GPM6B: variants seen among roughly 807,000 people sequenced by gnomAD.
The protein encoded by GPM6B is neuronal membrane glycoprotein M6-b.
GPM6B carries 4 observed loss-of-function variants against 27.2 expected under a neutral mutation model. That is an observed-to-expected ratio of 0.15 (90% CI 0.07 to 0.34). GPM6B has a LOEUF of 0.34. Ranked by LOEUF, GPM6B falls within the 10% of genes least tolerant of loss-of-function variation. The pLI, the probability that GPM6B is intolerant of heterozygous loss-of-function variation, is 1.00. For missense variants in GPM6B, 183 were observed against 261.9 expected, an observed-to-expected ratio of 0.70 and a Z score of 2.08; for synonymous variants, 124 against 103.1, an observed-to-expected ratio of 1.20 and a Z score of -1.23.
In GPM6B at chrX:13,772,949, C is replaced by T. The variant is rs2048327801; in HGVS notation, c.919G>A (p.Ala307Thr). ...SKMQAYQDIK[A>T]KEEQELQDIQ... ...TCTTGCAGTTCCTGTTCTTCCTTTG[C>T]TTTGATATCCTGGTAAGCCTGCATT... is the stretch of plus-strand genomic sequence containing the variant. The change falls in exon 8 of 8, where the codon GCA becomes ACA. Residue 307 changes from alanine (A) to threonine (T), a missense_variant. Ala to Thr is a moderately conservative substitution (Grantham distance 58). Transcript: ENST00000316715. 8.3e-7 allele frequency: 1 copy of T among 1,208,149 alleles called. No individual in the cohort carries two copies. The highest frequency in any genetic ancestry group is 3.0e-5 in the East Asian group (1 of 33,845).
chrX:13,774,374 T>C (rs1475508578), intron 7 of GPM6B: 84 of 1,033,971 alleles, frequency 8.1e-5, no homozygotes, highest in Non-Finnish European at 1.0e-4. Context: ...CATTATTGTG[T>C]AATTCATGTA....
At chrX:13,892,348 T>C (rs2050195968) in intron 1 of GPM6B, among the ~76,000 whole-genome samples, 1 of 111,695 alleles carries the variant, frequency 9.0e-6, no homozygotes, top group Non-Finnish European at 1.9e-5. Flanking sequence ...GTATTCTCCA[T>C]AAATATGCTC....
intron 7 of GPM6B, chrX:13,773,356 T>A (rs2074856375): frequency 6.1e-6 from 1 of 163,258 alleles, no homozygotes; most frequent in Non-Finnish European, 1.1e-5. Flanking sequence ...TTTTAAAGAC[T>A]AATGCGAAAG....
At chrX:13,846,478 T>C (rs1184223559) in intron 1 of GPM6B, among the ~76,000 whole-genome samples, 2 of 111,038 alleles carry the variant, frequency 1.8e-5, no homozygotes, top group Non-Finnish European at 3.8e-5. Context: ...CCCTCGACCA[T>C]CTTTTTTTTT....
chrX:13,812,080 C>T (rs57958546), intron 1 of GPM6B, among the ~76,000 whole-genome samples: 19,033 of 86,174 alleles, frequency 0.22, 2,115 homozygotes, highest in Admixed American at 0.44. Context: ...GACAGAGTCT[C>T]GCTCTGTCAC....
At chrX:13,862,861 G>A (rs1254908321) in intron 1 of GPM6B, among the ~76,000 whole-genome samples, 3 of 66,639 alleles carry the variant, frequency 4.5e-5, no homozygotes, top group Non-Finnish European at 9.7e-5. Context: ...TAACTTTTGT[G>A]ATTTTTTTTT....
intron 1 of GPM6B, among the ~76,000 whole-genome samples, chrX:13,903,864 G>T (rs1259492083): frequency 9.0e-6 from 1 of 111,685 alleles, no homozygotes; most frequent in Non-Finnish European, 1.9e-5. Flanking sequence ...TGAAGGCTGG[G>T]TGGAATATGA....
At position 13,771,865 on chromosome X, in the gene GPM6B, A is replaced by AGGGTTGGTATTTCATTTTTTT. The variant is rs1466460614; in HGVS notation, c.*1015_*1016insAAAAAAATGAAATACCAACCC. On this transcript the variant is annotated 3_prime_UTR_variant, in exon 8 of 8. Coordinates refer to ENST00000316715, the MANE Select transcript of GPM6B (RefSeq NM_001001995.3). ...TGAAATACCAACCCTAATTTAAATT[A>AGGGTTGGTATTTCATTTTTTT]CTTAAGTATTCAAGTCTATAAAAGT... is the stretch of plus-strand genomic sequence containing the variant. 3 of 112,652 alleles carry AGGGTTGGTATTTCATTTTTTT rather than the reference A, an allele frequency of 2.7e-5. No individual in the cohort carries two copies. The highest frequency in any genetic ancestry group is 6.5e-5 in the African/African-American group (2 of 30,940). The allele number at this position is 112,652 out of a possible 1,213,427, so 9.3% of individuals were successfully genotyped here. A position where few individuals can be genotyped will look rare whatever the true frequency, so the allele number is the denominator to read the frequency against.
chrX:13,894,383 C>T (rs1175326990), intron 1 of GPM6B, among the ~76,000 whole-genome samples: 1 of 111,824 alleles, frequency 8.9e-6, no homozygotes, highest in Non-Finnish European at 1.9e-5. Context: ...GGACATAATA[C>T]TGTGAAATCT....
In GPM6B at chrX:13,861,043, C is replaced by CACAT. The variant is rs2049842255; in HGVS notation, c.-197-75236_-197-75235insATGT. ...ACACACACACACACACACACACACA[C>CACAT]ATATATACATATATATACACATACA... is the stretch of plus-strand genomic sequence containing the variant. On this transcript the variant is annotated intron_variant, in intron 1 of 6. Transcript: ENST00000398361. Among the ~76,000 whole-genome samples, 3 of 49,661 alleles carry CACAT rather than the reference C, an allele frequency of 6.0e-5. No individual in the cohort carries two copies. The South Asian group carries it at 4.1e-3, about 68-fold the overall frequency. 43.1% of individuals were successfully genotyped at this position (49,661 alleles called of 115,157 possible).
intron 3 of GPM6B, 35 bp downstream of exon 3, chrX:13,785,587 C>T (rs2048595327): frequency 8.5e-7 from 1 of 1,182,275 alleles, no homozygotes; most frequent in African/African-American, 1.8e-5. Context: ...CACGCCAGGC[C>T]TTAGATGCAT....
chrX:13,844,231 C>T (rs1458936598), intron 1 of GPM6B, among the ~76,000 whole-genome samples: 1 of 112,272 alleles, frequency 8.9e-6, no homozygotes, highest in Non-Finnish European at 1.9e-5. Flanking sequence ...TTTCTGGACT[C>T]TCAATGATAT....
At chrX:13,804,023 C>T (rs1312590600) in intron 2 of GPM6B, among the ~76,000 whole-genome samples, 1 of 112,029 alleles carries the variant, frequency 8.9e-6, no homozygotes, top group African/African-American at 3.2e-5. Flanking sequence ...TCAATTCCTT[C>T]CTGTCTTCTC....
chrX:13,863,348 C>T (rs890139543), intron 1 of GPM6B, among the ~76,000 whole-genome samples: 1 of 111,605 alleles, frequency 9.0e-6, no homozygotes, highest in African/African-American at 3.3e-5. Context: ...AGCTGCATTT[C>T]AGTCACTTGG....
chrX:13,797,288 A>C (rs985197036), intron 2 of GPM6B, among the ~76,000 whole-genome samples: 1 of 111,141 alleles, frequency 9.0e-6, no homozygotes, highest in Non-Finnish European at 1.9e-5. Context: ...GGTATCACTA[A>C]AGTAGAATAA....
chrX:13,804,813 G>GAAAAAAAAAAAGA (rs11371329), intron 2 of GPM6B, among the ~76,000 whole-genome samples: 1 of 98,525 alleles, frequency 1.0e-5, no homozygotes, highest in Non-Finnish European at 2.0e-5. Context: ...AAAAAAAAAA[G>GAAAAAAAAAAAGA]AAAAAAAAAA....
chrX:13,834,367 C>T (rs769524684), intron 1 of GPM6B, among the ~76,000 whole-genome samples: 15 of 112,637 alleles, frequency 1.3e-4, no homozygotes, highest in Non-Finnish European at 2.2e-4. Flanking sequence ...TGTATTTTTA[C>T]AAAATGCCTT....
chrX:13,801,066 C>A (rs1231712627), intron 2 of GPM6B, among the ~76,000 whole-genome samples: 1 of 110,395 alleles, frequency 9.1e-6, no homozygotes, highest in Non-Finnish European at 1.9e-5. Context: ...AAGAAATGAT[C>A]CCCAGCACTA....
rs182452287 is a variant in GPM6B, at chrX:13,789,929, T to C, written c.182-4121A>G. On this transcript the variant is annotated intron_variant, in intron 2 of 7. Coordinates refer to ENST00000316715, the MANE Select transcript of GPM6B (RefSeq NM_001001995.3). ...GGCACAATCACTGCTCACTGCGGTGTTGAACTCTCTGGCTCAAGCGATCCT... is the reference window on the plus strand; with the variant it reads ...GGCACAATCACTGCTCACTGCGGTGCTGAACTCTCTGGCTCAAGCGATCCT... Among the ~76,000 whole-genome samples, 370 of 111,966 alleles carry C rather than the reference T, an allele frequency of 3.3e-3. 1 individual carries two copies. The highest frequency in any genetic ancestry group is 0.011 in the African/African-American group (355 of 30,887).
Sources: allele counts gnomAD v4.1 joint callset (sites outside exome capture counted in the v4.1 genomes callset), GRCh38; gene constraint gnomAD v4.1.1; transcripts MANE v1.5; gene names NCBI Gene and HGNC (gene_info 2026-07-23, HGNC 2026-07-21).